The following TENM3 variants were observed in gnomAD, a reference collection of about 807,000 sequenced individuals.
TENM3 encodes the protein teneurin-3.
TENM3 carries 63 observed loss-of-function variants against 255.1 expected under a neutral mutation model. That is an observed-to-expected ratio of 0.25 (90% confidence interval 0.20 to 0.30). The LOEUF is 0.30. Among genes scored for constraint, TENM3 ranks in the 10% least tolerant of loss-of-function variants. The pLI, the probability that TENM3 is intolerant of heterozygous loss-of-function variation, is 1.00. For synonymous variants in TENM3, 1,306 were observed against 1,322.3 expected (o/e 0.99, Z 0.27); for missense variants, 2,929 against 3,461.1 (o/e 0.85, Z 3.86).
In TENM3 at chr4:182,547,795, C is replaced by T. The variant is rs551314394; in HGVS notation, c.512-53129C>T. ...ATTTTAAACTTGCTCCTTGATAGCT[C>T]CTTATTTAAAATTTTCTGGGAATGT... On this transcript the variant is annotated intron_variant, in intron 3 of 27. Coordinates refer to ENST00000511685, the MANE Select transcript of TENM3 (RefSeq NM_001080477.4). Among the ~76,000 whole-genome samples the T allele has an allele frequency of 2.6e-5, 4 of 152,148 alleles. No homozygotes were observed. The South Asian group carries it at 8.3e-4, about 32-fold the overall frequency.
chr4:182,224,758 G>C (rs1756041297), intron 1 of TENM3, among the ~76,000 whole-genome samples: 3 of 143,184 alleles, frequency 2.1e-5, no homozygotes. Flanking sequence ...TTTTTTTGAA[G>C]TGGAGTCTCG....
chr4:182,796,414 C>A (rs1305777900), intron 26 of TENM3, among the ~76,000 whole-genome samples: 2 of 152,218 alleles, frequency 1.3e-5, no homozygotes, highest in African/African-American at 4.8e-5. Flanking sequence ...GTCTGAGCAT[C>A]TATTACTCGC....
the TENM3 span, among the ~76,000 whole-genome samples, chr4:182,077,061 C>T: frequency 2.0e-5 from 3 of 152,288 alleles, no homozygotes; most frequent in South Asian, 6.2e-4. Context: ...GCAGCATTTT[C>T]CAACTTCCGA....
intron 19 of TENM3, 111 bp from the exon 20 acceptor site, chr4:182,751,689 T>C: frequency 1.3e-6 from 1 of 750,518 alleles, no homozygotes. Flanking sequence ...TCTTTGATCA[T>C]GGATTCCAGA....
chr4:181,936,064 A>G, the TENM3 span, among the ~76,000 whole-genome samples: 1 of 152,142 alleles, frequency 6.6e-6, no homozygotes, highest in Non-Finnish European at 1.5e-5. Flanking sequence ...GGATTAATGA[A>G]TGTTGCTCAG....
chr4:182,693,164 T>C (rs567915213), intron 12 of TENM3, among the ~76,000 whole-genome samples: 2 of 152,310 alleles, frequency 1.3e-5, no homozygotes, highest in African/African-American at 4.8e-5. Context: ...TGTTAATTAA[T>C]TCATTTATGT....
the TENM3 span, among the ~76,000 whole-genome samples, chr4:181,738,634 T>C: frequency 0.055 from 8,330 of 152,212 alleles, 298 homozygotes; most frequent in South Asian, 0.08. Flanking sequence ...CTCGAGTCCC[T>C]GTATTTTTAG....
chr4:181,523,065 T>C, the TENM3 span: 316 of 572,462 alleles, frequency 5.5e-4, 3 homozygotes, highest in South Asian at 4.6e-3. Context: ...ATTACAAATG[T>C]ATGAGCATGG....
the TENM3 span, among the ~76,000 whole-genome samples, chr4:181,451,887 A>T: frequency 6.6e-6 from 1 of 152,170 alleles, no homozygotes; most frequent in Non-Finnish European, 1.5e-5. Flanking sequence ...AGTGAATGAG[A>T]TTGCTCAAAG....
At chr4:182,524,840 CAAA>C (rs11354238) in intron 3 of TENM3, among the ~76,000 whole-genome samples, 12 of 122,870 alleles carry the variant, frequency 9.8e-5, no homozygotes, top group Non-Finnish European at 1.2e-4. Flanking sequence ...TCTGTCTCTA[CAAA>C]AAAAAAAAAA....
At chr4:182,308,958 C>T (rs1021759851) in intron 1 of TENM3, among the ~76,000 whole-genome samples, 1 of 152,184 alleles carries the variant, frequency 6.6e-6, no homozygotes, top group African/African-American at 2.4e-5. Context: ...CGAGTAAGCA[C>T]ACAGACCGCT....
chr4:181,859,287 C>T, the TENM3 span, among the ~76,000 whole-genome samples: 1 of 145,830 alleles, frequency 6.9e-6, no homozygotes, highest in Non-Finnish European at 1.5e-5. Context: ...TTCCTTATGC[C>T]ATATGAACTA....
At chr4:181,542,914 C>T in the TENM3 span, among the ~76,000 whole-genome samples, 8 of 152,150 alleles carry the variant, frequency 5.3e-5, no homozygotes, top group Non-Finnish European at 1.2e-4. Flanking sequence ...ATCAAGGGTT[C>T]CCCCATCCCC....
At chr4:182,212,520 T>TA (rs5864772) in intron 1 of TENM3, among the ~76,000 whole-genome samples, 83,701 of 149,292 alleles carry the variant, frequency 0.56, 23,451 homozygotes, top group Admixed American at 0.62. Flanking sequence ...CTCAGCTACT[T>TA]AAAAAAAAAA....
At chr4:182,750,172 T>C (rs1246439215) in intron 19 of TENM3, among the ~76,000 whole-genome samples, 1 of 152,134 alleles carries the variant, frequency 6.6e-6, no homozygotes, top group Non-Finnish European at 1.5e-5. Context: ...CATAACCCAG[T>C]TGTTCTGAAA....
At chr4:182,180,279 T>C (rs1284922351) in intron 1 of TENM3, among the ~76,000 whole-genome samples, 2 of 152,216 alleles carry the variant, frequency 1.3e-5, no homozygotes, top group South Asian at 2.1e-4. Flanking sequence ...AAAATGTTGA[T>C]GTTTAGTTAC....
chr4:181,811,302 G>C, the TENM3 span, among the ~76,000 whole-genome samples: 1 of 152,004 alleles, frequency 6.6e-6, no homozygotes, highest in South Asian at 2.1e-4. Flanking sequence ...TGTTACTTTT[G>C]TTATATATAC....
At chr4:182,603,126 A>G (rs1748060327) in intron 4 of TENM3, among the ~76,000 whole-genome samples, 1 of 152,180 alleles carries the variant, frequency 6.6e-6, no homozygotes, top group Admixed American at 6.5e-5. Flanking sequence ...TGAGACTTTA[A>G]AGAAAGAAAG....
chr4:182,449,145 A>T, intron 3 of TENM3: 1 of 193,022 alleles, frequency 5.2e-6, no homozygotes. Flanking sequence ...GCTCCCGGTG[A>T]GGCTCCCCGC....
Sources: gnomAD v4.1 joint callset for allele counts (sites outside exome capture counted in the v4.1 genomes callset) on GRCh38, gnomAD v4.1.1 for gene constraint, MANE v1.5 for transcripts, NCBI Gene and HGNC (gene_info 2026-07-23, HGNC 2026-07-21) for gene names.